The following NTN1 variants were observed in gnomAD, a reference collection of about 807,000 sequenced individuals.
NTN1 encodes netrin-1.
Under a neutral mutation model 54.2 loss-of-function variants are expected in NTN1, and 11 were observed. The ratio of observed to expected loss-of-function variants is 0.20; its 90% CI spans 0.13 to 0.34. NTN1 has a LOEUF of 0.34. Ranked by LOEUF, NTN1 falls within the 10% of genes least tolerant of loss-of-function variation. The pLI is 1.00. For synonymous variants in NTN1, 371 were observed against 382.0 expected, an observed-to-expected ratio of 0.97 and a Z score of 0.33; for missense variants, 740 against 893.1, an observed-to-expected ratio of 0.83 and a Z score of 2.18.
rs1278786572 is a variant in NTN1, at chr17:9,022,812, G to A, written c.439G>A (p.Val147Met). 2 of 1,611,306 alleles carry A rather than the reference G, an allele frequency of 1.2e-6. No homozygotes were observed. Among genetic ancestry groups the A allele is most frequent in the African/African-American group, 2.7e-5 (2 of 74,830 alleles). ...CGGCAAGAAGTTCGAAGTGACCTAC[G>A]TGAGCCTGCAGTTCTGCTCGCCGCG... ...SLGKKFEVTYVSLQFCSPRPE... is the reference protein window; with the variant it reads ...SLGKKFEVTYMSLQFCSPRPE... The change falls in exon 2 of 7, where the codon GTG (valine) becomes ATG (methionine). Residue 147 changes from valine (V) to methionine (M), a missense_variant. Physicochemically the swap from Val to Met is conservative, Grantham distance 21. Transcript: ENST00000173229.
At position 9,022,178 on chromosome 17, in the gene NTN1, A is replaced by G. The variant is rs1422390920; in HGVS notation, c.-63-133A>G. The G allele has an allele frequency of 8.7e-5, 48 of 551,966 alleles. 2 individuals carry two copies. The highest frequency in any genetic ancestry group is 1.3e-4 in the Non-Finnish European group (48 of 371,540). The allele number at this position is 551,966 out of a possible 1,614,324, so 34.2% of individuals were successfully genotyped here. A position where few individuals can be genotyped will look rare whatever the true frequency, so the allele number is the denominator to read the frequency against. On this transcript the variant is annotated intron_variant, in intron 1 of 6. Coordinates refer to ENST00000173229, the MANE Select transcript of NTN1 (RefSeq NM_004822.3). ...TTCGCCGCCCGCGGGACTTTGGGGG[A>G]GAGAGGCGGGCAGTCGGCTGCGGGG...
At chr17:9,130,238 G>A (rs1317665124) in intron 2 of NTN1, among the ~76,000 whole-genome samples, 4 of 152,112 alleles carry the variant, frequency 2.6e-5, no homozygotes, top group African/African-American at 9.7e-5. Context: ...CAGGAGGCTG[G>A]TATGGGTTTC....
chr17:9,078,881 C>T (rs2092060445), intron 2 of NTN1, among the ~76,000 whole-genome samples: 1 of 152,202 alleles, frequency 6.6e-6, no homozygotes, highest in Admixed American at 6.5e-5. Flanking sequence ...AGAGTTCAGC[C>T]CCCTTTCTAC....
intron 6 of NTN1, among the ~76,000 whole-genome samples, chr17:9,229,958 G>A (rs879569171): frequency 2.6e-5 from 4 of 152,038 alleles, no homozygotes; most frequent in South Asian, 2.1e-4. Flanking sequence ...TTGTCCAGTC[G>A]CTCAGGCTGG....
intron 2 of NTN1, among the ~76,000 whole-genome samples, chr17:9,059,177 T>C (rs754960737): frequency 6.6e-6 from 1 of 152,166 alleles, no homozygotes; most frequent in Non-Finnish European, 1.5e-5. Flanking sequence ...TGACGGTGAC[T>C]GAGGTGTGGT....
At chr17:9,231,569 C>A (rs565792616) in intron 6 of NTN1, among the ~76,000 whole-genome samples, 1 of 152,322 alleles carries the variant, frequency 6.6e-6, no homozygotes, top group East Asian at 1.9e-4. Flanking sequence ...CACCAGGGTG[C>A]CCTGGGAGCG....
At chr17:9,232,849 C>T (rs1905860259) in intron 6 of NTN1, among the ~76,000 whole-genome samples, 1 of 152,154 alleles carries the variant, frequency 6.6e-6, no homozygotes, top group Non-Finnish European at 1.5e-5. Flanking sequence ...CCCTTCCTCC[C>T]TTCGCAGGGC....
chr17:9,206,406 C>T (rs1258962079), intron 5 of NTN1, among the ~76,000 whole-genome samples: 3 of 152,188 alleles, frequency 2.0e-5, no homozygotes, highest in African/African-American at 7.2e-5. Flanking sequence ...CTCACATGGT[C>T]AGTGCAGCCC....
At chr17:9,180,336 G>A (rs556994163) in intron 4 of NTN1, among the ~76,000 whole-genome samples, 5 of 152,338 alleles carry the variant, frequency 3.3e-5, no homozygotes, top group South Asian at 2.1e-4. Context: ...ACCGCGCCTG[G>A]CCCATTCAGT....
chr17:9,166,224 G>A (rs1466800511), intron 3 of NTN1, among the ~76,000 whole-genome samples: 1 of 132,682 alleles, frequency 7.5e-6, no homozygotes, highest in Admixed American at 8.8e-5. Context: ...CTCCTGCCTT[G>A]TATTCCCAGG....
Position 9,162,954 on chromosome 17 carries a change from A to T in NTN1, c.1160A>T (p.Tyr387Phe). The T allele has an allele frequency of 6.2e-7, 1 of 1,613,712 alleles. No individual in the cohort carries two copies. Among genetic ancestry groups the T allele is most frequent in the East Asian group, 2.2e-5 (1 of 44,854 alleles). The change falls in exon 3 of 7, where the codon TAC becomes TTC. Residue 387 changes from tyrosine to phenylalanine, a missense_variant. Tyr to Phe is a conservative substitution (Grantham distance 22). Coordinates refer to ENST00000173229, the MANE Select transcript of NTN1 (RefSeq NM_004822.3). ...GRHCHYCKEG[Y>F]YRDMGKPITH... ...CACTGCCATTACTGCAAGGAGGGCT[A>T]CTACCGCGACATGGGCAAGCCCATC...
At chr17:9,236,336 G>A (rs901201937) in intron 6 of NTN1, among the ~76,000 whole-genome samples, 2 of 152,212 alleles carry the variant, frequency 1.3e-5, no homozygotes, top group Non-Finnish European at 2.9e-5. Context: ...GAGGTTGGTC[G>A]GAGGTGACAG....
At chr17:9,170,989 C>A (rs901898758) in intron 3 of NTN1, 4 of 152,272 alleles carry the variant, frequency 2.6e-5, no homozygotes, top group South Asian at 2.1e-4. Flanking sequence ...TGTCAAATAA[C>A]CCAGTTTGGG....
At chr17:9,123,669 C>T (rs1226656371) in intron 2 of NTN1, among the ~76,000 whole-genome samples, 1 of 152,106 alleles carries the variant, frequency 6.6e-6, no homozygotes, top group African/African-American at 2.4e-5. Context: ...TTGTTCTTCT[C>T]GGATGGTTAG....
intron 6 of NTN1, among the ~76,000 whole-genome samples, chr17:9,235,939 A>G (rs1905973699): frequency 1.3e-5 from 2 of 151,648 alleles, no homozygotes; most frequent in Non-Finnish European, 2.9e-5. Context: ...TTTAGTAGAG[A>G]CAATCTGCCT....
intron 2 of NTN1, among the ~76,000 whole-genome samples, chr17:9,137,638 C>G (rs1046135137): frequency 3.3e-5 from 5 of 152,012 alleles, no homozygotes; most frequent in African/African-American, 9.7e-5. Flanking sequence ...ACTAAAAATA[C>G]AAAAAATTAG....
chr17:9,069,000 T>C (rs1165436010), intron 2 of NTN1, among the ~76,000 whole-genome samples: 1 of 152,102 alleles, frequency 6.6e-6, no homozygotes, highest in African/African-American at 2.4e-5. Flanking sequence ...TCAGCATGCA[T>C]CCACCCCTCC....
At chr17:9,166,238 A>G (rs2092373065) in intron 3 of NTN1, among the ~76,000 whole-genome samples, 1 of 141,106 alleles carries the variant, frequency 7.1e-6, no homozygotes, top group African/African-American at 2.6e-5. Flanking sequence ...TCCCAGGGCC[A>G]GATGGTTCAA....
intron 2 of NTN1, among the ~76,000 whole-genome samples, chr17:9,143,859 T>C (rs2142282497): frequency 6.6e-6 from 1 of 152,074 alleles, no homozygotes; most frequent in East Asian, 1.9e-4. Flanking sequence ...CTGTTTGTGA[T>C]GTTCCCCTGA....
Sources: gnomAD v4.1 joint callset for allele counts (sites outside exome capture counted in the v4.1 genomes callset) on GRCh38, gnomAD v4.1.1 for gene constraint, MANE v1.5 for transcripts, NCBI Gene and HGNC (gene_info 2026-07-23, HGNC 2026-07-21) for gene names.